The following PIK3C2G variants were observed in gnomAD, a reference collection of about 807,000 sequenced individuals.
PIK3C2G encodes phosphatidylinositol 3-kinase C2 domain-containing subunit gamma.
In PIK3C2G, 168 loss-of-function variants were observed where a neutral mutation model predicts 181.1. The observed-to-expected ratio is 0.93, with a 90% CI of 0.82 to 1.05. PIK3C2G has a LOEUF of 1.05. Among genes scored for constraint, PIK3C2G ranks in the 50% least tolerant of loss-of-function variants. The pLI is 0.00. For synonymous variants in PIK3C2G, 573 were observed against 592.2 expected (o/e 0.97, Z 0.47); for missense variants, 1,869 against 1,732.8 (o/e 1.08, Z -1.40).
At chr12:18,540,056 A>G (rs891502110) in intron 25 of PIK3C2G, among the ~76,000 whole-genome samples, 5 of 151,814 alleles carry the variant, frequency 3.3e-5, no homozygotes, top group Non-Finnish European at 1.5e-5. Context: ...CCCCATTTAA[A>G]TAATAAATAT....
intron 12 of PIK3C2G, among the ~76,000 whole-genome samples, chr12:18,363,957 C>G (rs560444470): frequency 3.5e-4 from 54 of 152,172 alleles, no homozygotes; most frequent in Non-Finnish European, 7.8e-4. Flanking sequence ...TGACCAAAGA[C>G]CTGACATTCA....
intron 24 of PIK3C2G, 145 bp from the exon 25 acceptor site, chr12:18,538,011 C>CATAAT (rs1436163347): frequency 3.0e-6 from 2 of 659,590 alleles, no homozygotes; most frequent in African/African-American, 3.8e-5. Context: ...GTTTCTCAAG[C>CATAAT]TGCCTCACAA....
At chr12:18,250,110 A>C (rs950256244) in intron 1 of PIK3C2G, among the ~76,000 whole-genome samples, 1 of 152,098 alleles carries the variant, frequency 6.6e-6, no homozygotes, top group African/African-American at 2.4e-5. Context: ...CAAAATGTTA[A>C]GTTCACTAGT....
Position 18,421,034 on chromosome 12 carries a change from G to C in PIK3C2G, c.2409G>C (p.Gln803His), listed in dbSNP as rs763741349. The change falls in exon 17 of 33, where the codon CAG (glutamine) becomes CAC (histidine). Residue 803 changes from glutamine (Q) to histidine (H), a missense_variant and splice_region_variant. By Grantham distance (24) the Gln-to-His change is conservative. Coordinates refer to ENST00000538779, the MANE Select transcript of PIK3C2G (RefSeq NM_001288772.2). ...TGGAATATCTCCCACAGCTAGTTCA[G>C]GTAAGAATAGAAGAGTTGCTAAGGA... is the stretch of plus-strand genomic sequence containing the variant. ...ELLEYLPQLVQAVKFEWNLES... is the reference protein window; with the variant it reads ...ELLEYLPQLVHAVKFEWNLES... 2.0e-6 allele frequency: 3 copies of C among 1,533,960 alleles called. No individual in the cohort carries two copies. Among genetic ancestry groups the C allele is most frequent in the Non-Finnish European group, 2.7e-6 (3 of 1,107,808 alleles).
intron 31 of PIK3C2G, among the ~76,000 whole-genome samples, chr12:18,629,219 T>C (rs1949236815): frequency 6.6e-6 from 1 of 152,202 alleles, no homozygotes; most frequent in Non-Finnish European, 1.5e-5. Context: ...CTTTTGTTTC[T>C]TCCTTGTACT....
the PIK3C2G span, chr12:18,684,093 A>G: frequency 1.2e-6 from 2 of 1,604,036 alleles, no homozygotes; most frequent in Non-Finnish European, 1.7e-6. Context: ...GTTATATTTA[A>G]ATGCTGGTAC....
chr12:18,384,029 T>C (rs975142250), intron 14 of PIK3C2G, among the ~76,000 whole-genome samples: 1 of 150,694 alleles, frequency 6.6e-6, no homozygotes, highest in Admixed American at 6.6e-5. Context: ...ACTATGTTGC[T>C]CATGCTGGTC....
At chr12:18,341,682 A>G (rs985642137) in intron 9 of PIK3C2G, among the ~76,000 whole-genome samples, 2 of 152,166 alleles carry the variant, frequency 1.3e-5, no homozygotes, top group Non-Finnish European at 2.9e-5. Context: ...ACTGGCACAC[A>G]TAGTAAGTAC....
At position 18,314,034 on chromosome 12, in the gene PIK3C2G, T is replaced by C. The variant is rs1456234989; in HGVS notation, c.1107T>C (p.Ser369=). Residue 369 remains serine (S), a synonymous_variant, in exon 6 of 33, where the codon AGT becomes AGC. Coordinates refer to ENST00000538779, the MANE Select transcript of PIK3C2G (RefSeq NM_001288772.2). ...TTATTCAGCTCCACCTGCAGAAAAG[T>C]AGGGAAGCTCCAGGAAAGCTATCTC... is the stretch of plus-strand genomic sequence containing the variant. The part of the protein sequence containing the change: ...KSVIQLHLQK[S]REAPGKLSRK... 3 of 1,582,186 alleles carry C rather than the reference T, an allele frequency of 1.9e-6. No homozygotes were observed. The highest frequency in any genetic ancestry group is 2.6e-6 in the Non-Finnish European group (3 of 1,161,140).
At chr12:18,645,628 G>A (rs748488611) in intron 32 of PIK3C2G, among the ~76,000 whole-genome samples, 9 of 152,072 alleles carry the variant, frequency 5.9e-5, no homozygotes, top group Admixed American at 2.0e-4. Flanking sequence ...TGTATTTGAT[G>A]GATCTTTTTC....
intron 18 of PIK3C2G, among the ~76,000 whole-genome samples, chr12:18,448,862 T>C (rs984105196): frequency 1.1e-4 from 17 of 151,698 alleles, no homozygotes; most frequent in Admixed American, 3.3e-4. Context: ...TCCACCACAA[T>C]TAATTTATCC....
chr12:18,500,264 G>A (rs558083641), intron 22 of PIK3C2G, among the ~76,000 whole-genome samples: 1 of 150,888 alleles, frequency 6.6e-6, no homozygotes, highest in African/African-American at 2.4e-5. Flanking sequence ...CTGCCGGCCC[G>A]GGCAATGAGG....
At chr12:18,716,625 G>A in the PIK3C2G span, among the ~76,000 whole-genome samples, 1 of 152,134 alleles carries the variant, frequency 6.6e-6, no homozygotes, top group Non-Finnish European at 1.5e-5. Context: ...CGGCTGCTAG[G>A]AAACTTACAG....
the PIK3C2G span, among the ~76,000 whole-genome samples, chr12:18,669,498 G>A: frequency 6.0e-4 from 91 of 152,144 alleles, no homozygotes; most frequent in African/African-American, 1.3e-3. Context: ...CCATAGACTC[G>A]GTGGCTTAAA....
In PIK3C2G at chr12:18,391,177, G is replaced by T; in HGVS notation, c.2051G>T (p.Arg684Ile). ...EYMKPDSEEN[R>I]SNLEEPLKEC... is the part of the protein sequence containing the mutation. ...ATGAAACCTGATTCTGAAGAGAATAGAAGTAATCTTGAAGAGCCACTAAAG... is the reference window on the plus strand; with the variant it reads ...ATGAAACCTGATTCTGAAGAGAATATAAGTAATCTTGAAGAGCCACTAAAG... The change falls in exon 15 of 33, where the codon AGA (arginine) becomes ATA (isoleucine). Residue 684 changes from arginine to isoleucine, a missense_variant. Arg to Ile is a moderately conservative substitution (Grantham distance 97, BLOSUM62 -3). Transcript: ENST00000538779. 6.2e-7 allele frequency: 1 copy of T among 1,609,102 alleles called. No individual in the cohort carries two copies. The highest frequency in any genetic ancestry group is 8.5e-7 in the Non-Finnish European group (1 of 1,176,872).
chr12:18,580,551 A>T lies in PIK3C2G; in HGVS notation c.4011+13494A>T, dbSNP rs545674449. 2.0e-5 allele frequency among the ~76,000 whole-genome samples: 3 copies of T among 152,340 alleles called. No individual in the cohort carries two copies. The South Asian group carries it at 6.2e-4, about 32-fold the overall frequency. On this transcript the variant is annotated intron_variant, in intron 29 of 32. Coordinates refer to ENST00000538779, the MANE Select transcript of PIK3C2G (RefSeq NM_001288772.2). ...TAGCTGAGATTATGTTGCACGCAGGATAAATGTCATATGTGTACCATCAGT... is the reference window on the plus strand; with the variant it reads ...TAGCTGAGATTATGTTGCACGCAGGTTAAATGTCATATGTGTACCATCAGT...
At chr12:18,390,633 C>T (rs1004596137) in intron 14 of PIK3C2G, among the ~76,000 whole-genome samples, 1 of 152,060 alleles carries the variant, frequency 6.6e-6, no homozygotes, top group Non-Finnish European at 1.5e-5. Flanking sequence ...AGAGCTCACT[C>T]ATGTGTACAT....
intron 24 of PIK3C2G, among the ~76,000 whole-genome samples, chr12:18,537,406 A>C (rs193198764): frequency 2.0e-5 from 3 of 152,152 alleles, no homozygotes; most frequent in East Asian, 1.9e-4. Flanking sequence ...TCTCTCTGCT[A>C]TTCTCTGTTA....
At chr12:18,303,363 C>T (rs1023851033) in intron 5 of PIK3C2G, among the ~76,000 whole-genome samples, 4 of 150,912 alleles carry the variant, frequency 2.7e-5, no homozygotes, top group African/African-American at 9.8e-5. Flanking sequence ...CTGACACAGT[C>T]TCACTCTGTC....
Sources: allele counts gnomAD v4.1 joint callset (sites outside exome capture counted in the v4.1 genomes callset), GRCh38; gene constraint gnomAD v4.1.1; transcripts MANE v1.5; gene names NCBI Gene and HGNC (gene_info 2026-07-23, HGNC 2026-07-21).